The following DCLK3 variants were observed in gnomAD, a reference collection of about 807,000 sequenced individuals.
DCLK3 encodes serine/threonine-protein kinase DCLK3.
A neutral mutation model predicts 46.4 loss-of-function variants in DCLK3; 30 were observed. The ratio of observed to expected loss-of-function variants is 0.65; its 90% CI spans 0.48 to 0.88. The LOEUF is 0.88. DCLK3 is among the 40% of genes least tolerant of loss of function. The pLI is 0.00. For missense variants in DCLK3, 846 were observed against 907.1 expected (o/e 0.93, Z 0.87); for synonymous variants, 401 against 339.2 (o/e 1.18, Z -2.00).
intron 1 of DCLK3, among the ~76,000 whole-genome samples, chr3:36,741,246 G>T (rs1015243307): frequency 6.6e-6 from 1 of 152,156 alleles, no homozygotes; most frequent in African/African-American, 2.4e-5. Flanking sequence ...ACTGTCAAAC[G>T]CATGTGCACA....
chr3:36,749,364 C>T (rs1034178804), intron 1 of DCLK3, among the ~76,000 whole-genome samples: 4 of 152,214 alleles, frequency 2.6e-5, no homozygotes, highest in African/African-American at 9.6e-5. Flanking sequence ...CCTAGGGGCC[C>T]TCCCCGCCCC....
In DCLK3 at chr3:36,718,132, T is replaced by A. The variant is rs1452237553; in HGVS notation, c.2138A>T (p.Tyr713Phe). Reference protein sequence around the residue: ...VDMWAAGVILYILLCGFPPFR... With the variant: ...VDMWAAGVILFILLCGFPPFR... ...TGGGGGAAAGCCACACAGCAGGATA[T>A]AGAGGATCACGCCAGCAGCCCACAT... The change falls in exon 4 of 5, where the codon TAT (tyrosine) becomes TTT (phenylalanine). Residue 713 changes from tyrosine (Y) to phenylalanine (F), a missense_variant. Coordinates refer to ENST00000636136, the MANE Select transcript of DCLK3 (RefSeq NM_001394672.2). 1 of 1,613,958 alleles carries A rather than the reference T, an allele frequency of 6.2e-7. No homozygotes were observed. The highest frequency in any genetic ancestry group is 8.5e-7 in the Non-Finnish European group (1 of 1,180,018).
intron 4 of DCLK3, 60 bp from the exon 5 acceptor site, chr3:36,715,581 C>T (rs981736927): frequency 1.3e-6 from 2 of 1,493,224 alleles, no homozygotes; most frequent in African/African-American, 1.4e-5. Flanking sequence ...ATTTTTCTTC[C>T]CCACACATGA....
chr3:36,743,591 T>C (rs968841000), intron 1 of DCLK3, among the ~76,000 whole-genome samples: 7 of 152,216 alleles, frequency 4.6e-5, no homozygotes, highest in African/African-American at 7.2e-5. Context: ...TCTGTTAACT[T>C]GCTACAGCAA....
chr3:36,724,620 G>T (rs1399892518), intron 2 of DCLK3, among the ~76,000 whole-genome samples: 1 of 152,086 alleles, frequency 6.6e-6, no homozygotes, highest in African/African-American at 2.4e-5. Context: ...TCAAAAATGG[G>T]AGTTTGCCTG....
intron 1 of DCLK3, among the ~76,000 whole-genome samples, chr3:36,761,720 T>G (rs974608753): frequency 2.0e-5 from 3 of 152,100 alleles, no homozygotes; most frequent in Admixed American, 6.5e-5. Flanking sequence ...AAGCAGCCCA[T>G]CCAAGCCCCT....
intron 3 of DCLK3, among the ~76,000 whole-genome samples, chr3:36,720,084 G>T (rs1275561070): frequency 6.6e-6 from 1 of 152,194 alleles, no homozygotes; most frequent in Non-Finnish European, 1.5e-5. Flanking sequence ...GAAGTGATTA[G>T]ATCATGGGGG....
At position 36,715,469 on chromosome 3, in the gene DCLK3, G is replaced by C; in HGVS notation, c.2313C>G (p.Tyr771Ter). 2 of 1,591,416 alleles carry C rather than the reference G, an allele frequency of 1.3e-6. No homozygotes were observed. Among genetic ancestry groups the C allele is most frequent in the Non-Finnish European group, 1.7e-6 (2 of 1,169,874 alleles). Reference protein sequence around the residue: ...RLLVVDPKKRYTAHQVLQHPW... With the variant: ...RLLVVDPKKR Reference sequence around the variant, plus strand: ...GGTGCTGAAGAACCTGATGAGCTGTGTAGCGCTTTTTGGGGTCTACCACCA... The same window carrying C: ...GGTGCTGAAGAACCTGATGAGCTGTCTAGCGCTTTTTGGGGTCTACCACCA... Residue 771 changes from tyrosine (Y) to a stop codon, truncating the protein, a stop_gained, in exon 5 of 5, where the codon TAC (tyrosine) becomes TAG (stop). Coordinates refer to ENST00000636136, the MANE Select transcript of DCLK3 (RefSeq NM_001394672.2). LOFTEE classifies it low-confidence loss of function (END_TRUNC).
At chr3:36,761,408 G>A (rs962582585) in intron 1 of DCLK3, among the ~76,000 whole-genome samples, 2 of 152,138 alleles carry the variant, frequency 1.3e-5, no homozygotes, top group African/African-American at 4.8e-5. Flanking sequence ...CTCTGAGGAT[G>A]GAGCCAAACT....
intron 1 of DCLK3, among the ~76,000 whole-genome samples, chr3:36,761,658 C>A (rs1378521494): frequency 6.6e-6 from 1 of 152,140 alleles, no homozygotes; most frequent in Non-Finnish European, 1.5e-5. Flanking sequence ...GATACAATGA[C>A]CCTCCTGGAT....
At chr3:36,741,959 G>T (rs985497800) in intron 1 of DCLK3, among the ~76,000 whole-genome samples, 1 of 152,184 alleles carries the variant, frequency 6.6e-6, no homozygotes, top group Non-Finnish European at 1.5e-5. Flanking sequence ...ATAGGAGAGG[G>T]ATCCTCAGGG....
chr3:36,742,909 C>T (rs1251473002), intron 1 of DCLK3, among the ~76,000 whole-genome samples: 5 of 152,156 alleles, frequency 3.3e-5, no homozygotes, highest in Non-Finnish European at 7.3e-5. Flanking sequence ...TACTTTCAGT[C>T]TCCCACTAAG....
At chr3:36,740,519 C>T (rs1019163523) in intron 1 of DCLK3, among the ~76,000 whole-genome samples, 1 of 152,146 alleles carries the variant, frequency 6.6e-6, no homozygotes, top group African/African-American at 2.4e-5. Context: ...GGTTTTCCCT[C>T]TTCTTATTTA....
rs958106002 is a variant in DCLK3 at position 36,714,687 on chromosome 3, T to C, written c.*641A>G. On this transcript the variant is annotated 3_prime_UTR_variant, in exon 5 of 5. Coordinates refer to ENST00000636136, the MANE Select transcript of DCLK3 (RefSeq NM_001394672.2). ...TGCAGGAGCAAGAATGATTCAATGGTTTGTTTTTTTTCTTTCCATGTCTCA... is the reference window on the plus strand; with the variant it reads ...TGCAGGAGCAAGAATGATTCAATGGCTTGTTTTTTTTCTTTCCATGTCTCA... 6.6e-6 allele frequency: 1 copy of C among 151,436 alleles called. No homozygotes were observed. Among genetic ancestry groups the C allele is most frequent in the Non-Finnish European group, 1.5e-5 (1 of 67,606 alleles). The allele number at this position is 151,436 out of a possible 1,614,324, so 9.4% of individuals were successfully genotyped here.
chr3:36,739,378 C>G (rs1243476999), intron 1 of DCLK3, among the ~76,000 whole-genome samples: 1 of 152,146 alleles, frequency 6.6e-6, no homozygotes, highest in Non-Finnish European at 1.5e-5. Flanking sequence ...CTCTGTGTCC[C>G]CACCCAAATC....
At chr3:36,742,708 C>A (rs182880340) in intron 1 of DCLK3, among the ~76,000 whole-genome samples, 1 of 152,212 alleles carries the variant, frequency 6.6e-6, no homozygotes, top group Non-Finnish European at 1.5e-5. Flanking sequence ...TCCACAAGAC[C>A]TCTTTCCTCT....
chr3:36,747,709 T>C (rs1260914927), intron 1 of DCLK3, among the ~76,000 whole-genome samples: 2 of 152,214 alleles, frequency 1.3e-5, no homozygotes, highest in Non-Finnish European at 2.9e-5. Flanking sequence ...TTCTTGCATC[T>C]GCTGTTCCTC....
chr3:36,759,963 AG>A (rs1701524253), intron 1 of DCLK3, among the ~76,000 whole-genome samples: 1 of 152,206 alleles, frequency 6.6e-6, no homozygotes, highest in Non-Finnish European at 1.5e-5. Context: ...TGGCAGGGGC[AG>A]TGATGGGCCA....
Position 36,760,377 on chromosome 3 carries a change from C to T in DCLK3, c.82+3805G>A, listed in dbSNP as rs141962873. Among the ~76,000 whole-genome samples the T allele has an allele frequency of 3.3e-4, 49 of 148,972 alleles. No homozygotes were observed. The East Asian group carries it at 8.2e-3, about 25-fold the overall frequency. ...CATTCTCAGCAAACTATCGCAAGGA[C>T]AAAAAACCAAACACCGCATTTTCTC... On this transcript the variant is annotated intron_variant, in intron 1 of 4. Coordinates refer to ENST00000636136, the MANE Select transcript of DCLK3 (RefSeq NM_001394672.2).
Sources: gnomAD v4.1 joint callset for allele counts (sites outside exome capture counted in the v4.1 genomes callset) on GRCh38, gnomAD v4.1.1 for gene constraint, MANE v1.5 for transcripts, NCBI Gene and HGNC (gene_info 2026-07-23, HGNC 2026-07-21) for gene names.